TPRKB: variants seen among roughly 807,000 people sequenced by gnomAD.
The protein encoded by TPRKB is TP53RK binding protein, also known as EKC/KEOPS complex subunit TPRKB.
Under a neutral mutation model 17.8 loss-of-function variants are expected in TPRKB, and 11 were observed. The observed-to-expected ratio is 0.62, with a 90% CI of 0.39 to 1.02. The LOEUF is 1.02. TPRKB is among the 50% of genes least tolerant of loss of function. The probability of loss-of-function intolerance (pLI) is 0.00; values close to 1 mark genes in which losing one functional copy is unlikely to be tolerated. For missense variants in TPRKB, 228 were observed against 198.0 expected, an observed-to-expected ratio of 1.15 and a Z score of -0.91; for synonymous variants, 71 against 69.5, an observed-to-expected ratio of 1.02 and a Z score of -0.11.
chr2:73,731,430 T>C (rs375450113), intron 3 of TPRKB, among the ~76,000 whole-genome samples: 162 of 152,346 alleles, frequency 1.1e-3, no homozygotes, highest in Non-Finnish European at 1.6e-3. Context: ...AAGGAAACCA[T>C]AATTAGTAAA....
intron 3 of TPRKB, 145 bp from the exon 4 acceptor site, chr2:73,730,881 A>C (rs1671576635): frequency 1.8e-6 from 1 of 543,382 alleles, no homozygotes; most frequent in African/African-American, 2.0e-5. Flanking sequence ...TTTTCACTTT[A>C]ATGATTCCTT....
At position 73,729,976 on chromosome 2, in the gene TPRKB, G is replaced by C. The variant is rs752979476; in HGVS notation, c.495C>G (p.Ile165Met). 1 of 1,574,714 alleles carries C rather than the reference G, an allele frequency of 6.4e-7. No homozygotes were observed. The highest frequency in any genetic ancestry group is 8.6e-7 in the Non-Finnish European group (1 of 1,157,256). ...EESIGTLLDAIICRMSTKDVL is the reference protein window; with the variant it reads ...EESIGTLLDAMICRMSTKDVL ...CATCTTTTGTTGACATTCTACAAAT[G>C]ATAGCATCCAATAATGTCCCAATAC... The change falls in exon 5 of 5, where the codon ATC becomes ATG. Residue 165 changes from isoleucine to methionine, a missense_variant. By Grantham distance (10) the Ile-to-Met change is conservative. Coordinates refer to ENST00000272424, the MANE Select transcript of TPRKB (RefSeq NM_016058.5).
At position 73,734,537 on chromosome 2, in the gene TPRKB, G is replaced by A. The variant is rs1315834511; in HGVS notation, c.33C>T (p.Pro11=). MQLTHQLDLF[P]ECRVTLLLFK... ...ATAACAGAAGGGTTACCCTGCATTC[G>A]GGAAATAGGTCCAGCTGATGTGTTA... Residue 11 remains proline, a synonymous_variant, in exon 2 of 5, where the codon CCC becomes CCT. Transcript: ENST00000272424. 1.9e-6 allele frequency: 3 copies of A among 1,613,468 alleles called. No homozygotes were observed. The highest frequency in any genetic ancestry group is 2.5e-6 in the Non-Finnish European group (3 of 1,179,820).
At chr2:73,732,394 A>G in intron 2 of TPRKB, 109 bp from the exon 3 acceptor site, 1 of 1,211,508 alleles carries the variant, frequency 8.3e-7, no homozygotes, top group Non-Finnish European at 1.1e-6. Flanking sequence ...ACTTCATCAC[A>G]ATTCTTACGG....
chr2:73,734,086 G>A (rs1247865290), intron 2 of TPRKB, among the ~76,000 whole-genome samples: 6 of 149,704 alleles, frequency 4.0e-5, no homozygotes, highest in East Asian at 2.0e-4. Context: ...GATTACAGGC[G>A]TGAGCTACCA....
chr2:73,730,704 T>C lies in TPRKB; in HGVS notation c.297A>G (p.Ser99=), dbSNP rs369864060. Residue 99 remains serine, a synonymous_variant, in exon 4 of 5, where the codon TCA becomes TCG. Coordinates refer to ENST00000272424, the MANE Select transcript of TPRKB (RefSeq NM_016058.5). Reference sequence around the variant, plus strand: ...CAATTAGAATTGAAGTGTCATTTGCTGAGATACCAAATTTTTTCAAAGCCT... The same window carrying C: ...CAATTAGAATTGAAGTGTCATTTGCCGAGATACCAAATTTTTTCAAAGCCT... ...ISEALKKFGI[S]ANDTSILIVY... is the part of the protein sequence containing the mutation. 3.9e-6 allele frequency: 6 copies of C among 1,530,248 alleles called. No homozygotes were observed. The highest frequency in any genetic ancestry group is 1.3e-5 in the South Asian group (1 of 78,082). 94.8% of individuals were successfully genotyped at this position (1,530,248 alleles called of 1,614,324 possible). A position where few individuals can be genotyped will look rare whatever the true frequency, so the allele number is the denominator to read the frequency against.
At chr2:73,736,104 G>GTT (rs1006736674) in intron 1 of TPRKB, among the ~76,000 whole-genome samples, 1 of 152,018 alleles carries the variant, frequency 6.6e-6, no homozygotes, top group Non-Finnish European at 1.5e-5. Context: ...ACACCAAAAA[G>GTT]TTAATGTTAT....
At chr2:73,735,393 G>GAGTT (rs1297449793) in intron 1 of TPRKB, among the ~76,000 whole-genome samples, 2 of 151,578 alleles carry the variant, frequency 1.3e-5, no homozygotes, top group Non-Finnish European at 2.9e-5. Flanking sequence ...TGTAAACGAT[G>GAGTT]AGTTAATGGG....
intron 1 of TPRKB, 38 bp from the exon 2 acceptor site, chr2:73,734,629 A>G: frequency 6.7e-7 from 1 of 1,485,610 alleles, no homozygotes; most frequent in Non-Finnish European, 9.1e-7. Flanking sequence ...ATTTCATTTA[A>G]AAGTTAACAT....
Position 73,736,329 on chromosome 2 carries a change from G to C in TPRKB, c.-23+973C>G, listed in dbSNP as rs192710353. Among the ~76,000 whole-genome samples, 185 of 152,238 alleles carry C rather than the reference G, an allele frequency of 1.2e-3. 2 individuals carry two copies. The highest frequency in any genetic ancestry group is 3.8e-3 in the African/African-American group (158 of 41,536). On this transcript the variant is annotated intron_variant, in intron 1 of 4. Transcript: ENST00000272424. ...CACTAAAATATGACCATCTTGGGTA[G>C]TGAGGTTATGAGGTGATTTTTATTG...
At chr2:73,734,795 C>A (rs1273798071) in intron 1 of TPRKB, among the ~76,000 whole-genome samples, 2 of 152,202 alleles carry the variant, frequency 1.3e-5, no homozygotes, top group East Asian at 3.9e-4. Context: ...CCCAGGGAAA[C>A]GCCAAGGGGC....
chr2:73,737,230 C>CAAAG (rs1671938050), intron 1 of TPRKB, 72 bp downstream of exon 1: 1 of 152,274 alleles, frequency 6.6e-6, no homozygotes, highest in African/African-American at 2.4e-5. Context: ...GCCGTTGTCC[C>CAAAG]AAAGACACTA....
In TPRKB at chr2:73,732,147, G is replaced by A; in HGVS notation, c.264+16C>T. On this transcript the variant is annotated intron_variant, in intron 3 of 4. Coordinates refer to ENST00000272424, the MANE Select transcript of TPRKB (RefSeq NM_016058.5). ...TATTATGACACGGTCAACAGAAATAGGAAAGTGCACATTACATTGTTATTT... is the reference window on the plus strand; with the variant it reads ...TATTATGACACGGTCAACAGAAATAAGAAAGTGCACATTACATTGTTATTT... The A allele has an allele frequency of 6.2e-7, 1 of 1,609,666 alleles. No individual in the cohort carries two copies.
Position 73,732,160 on chromosome 2 carries a change from T to C in TPRKB, c.264+3A>G. ...TCAACAGAAATAGGAAAGTGCACAT[T>C]ACATTGTTATTTGGGGAAAGGTTGA... On this transcript the variant is annotated splice_donor_region_variant and intron_variant, in intron 3 of 4. Transcript: ENST00000272424. 1 of 1,613,046 alleles carries C rather than the reference T, an allele frequency of 6.2e-7. No individual in the cohort carries two copies. Among genetic ancestry groups the C allele is most frequent in the Non-Finnish European group, 8.5e-7 (1 of 1,179,584 alleles).
chr2:73,734,598 A>T lies in TPRKB; in HGVS notation c.-22-7T>A. The T allele has an allele frequency of 6.4e-7, 1 of 1,560,030 alleles. No homozygotes were observed. The highest frequency in any genetic ancestry group is 8.6e-7 in the Non-Finnish European group (1 of 1,158,590). ...ACAGATAAGCAGGATTCTACTGCACACAAAATGAAAAGACCAAAAGATTTC... is the reference window on the plus strand; with the variant it reads ...ACAGATAAGCAGGATTCTACTGCACTCAAAATGAAAAGACCAAAAGATTTC... On this transcript the variant is annotated splice_region_variant and splice_polypyrimidine_tract_variant and intron_variant, in intron 1 of 4. Transcript: ENST00000272424.
chr2:73,730,400 C>T (rs1370991197), intron 4 of TPRKB, 160 bp downstream of exon 4: 4 of 531,072 alleles, frequency 7.5e-6, no homozygotes, highest in South Asian at 3.0e-5. Context: ...AACCATCACA[C>T]CTCCCAGTTC....
chr2:73,730,526 A>G (rs777654863), intron 4 of TPRKB, 34 bp downstream of exon 4: 70 of 1,486,778 alleles, frequency 4.7e-5, no homozygotes, highest in Non-Finnish European at 6.2e-5. Context: ...TTGCTCATCT[A>G]TCACACTCTT....
chr2:73,735,318 G>A (rs572279300), intron 1 of TPRKB, among the ~76,000 whole-genome samples: 6 of 138,022 alleles, frequency 4.3e-5, no homozygotes, highest in Non-Finnish European at 8.0e-5. Context: ...GGCAACAAGA[G>A]TGAAACTCCG....
At chr2:73,730,491 C>CT in intron 4 of TPRKB, 69 bp downstream of exon 4, 1 of 1,123,940 alleles carries the variant, frequency 8.9e-7, no homozygotes, top group Admixed American at 2.8e-5. Flanking sequence ...CTCTGGTGAT[C>CT]AATAGGCAAA....
Sources: allele counts gnomAD v4.1 joint callset (sites outside exome capture counted in the v4.1 genomes callset), GRCh38; gene constraint gnomAD v4.1.1; transcripts MANE v1.5; gene names NCBI Gene and HGNC (gene_info 2026-07-23, HGNC 2026-07-21).